Variants in SUPT3H observed in about 807,000 individuals in gnomAD.
SUPT3H encodes transcription initiation protein SPT3 homolog.
SUPT3H carries 44 observed loss-of-function variants against 44.3 expected under a neutral mutation model. The observed-to-expected ratio is 0.99, with a 90% CI of 0.78 to 1.28. SUPT3H has a LOEUF of 1.28. Among genes scored for constraint, SUPT3H ranks in the 50% most tolerant of loss-of-function variants. The pLI, the probability that SUPT3H is intolerant of heterozygous loss-of-function variation, is 0.00. For missense variants in SUPT3H, 380 were observed against 387.1 expected, an observed-to-expected ratio of 0.98 and a Z score of 0.15; for synonymous variants, 124 against 125.6, an observed-to-expected ratio of 0.99 and a Z score of 0.09.
intron 4 of SUPT3H, among the ~76,000 whole-genome samples, chr6:45,019,543 C>T (rs1469622413): frequency 6.6e-6 from 1 of 151,910 alleles, no homozygotes; most frequent in Non-Finnish European, 1.5e-5. Context: ...TCCTTTGTAG[C>T]TTGTTCTATG....
chr6:45,137,196 GAAAAGA>G (rs1292781521), intron 2 of SUPT3H, among the ~76,000 whole-genome samples: 1 of 151,962 alleles, frequency 6.6e-6, no homozygotes, highest in Non-Finnish European at 1.5e-5. Flanking sequence ...CAGATTAAAA[GAAAAGA>G]AAAAGCCTGA....
At chr6:45,332,068 C>G (rs1199032332) in intron 2 of SUPT3H, among the ~76,000 whole-genome samples, 1 of 151,916 alleles carries the variant, frequency 6.6e-6, no homozygotes, top group African/African-American at 2.4e-5. Flanking sequence ...ACTCACTGTA[C>G]TCCAATACTT....
chr6:45,161,624 T>G (rs777353456), intron 2 of SUPT3H, among the ~76,000 whole-genome samples: 3 of 152,170 alleles, frequency 2.0e-5, no homozygotes, highest in Non-Finnish European at 2.9e-5. Flanking sequence ...AAGGCATGAA[T>G]AGTGTCTTAT....
chr6:45,165,521 G>C (rs1809698649), intron 2 of SUPT3H, among the ~76,000 whole-genome samples: 1 of 152,034 alleles, frequency 6.6e-6, no homozygotes, highest in African/African-American at 2.4e-5. Flanking sequence ...AACAAATCTA[G>C]TATCAGAGAT....
chr6:45,045,834 T>G (rs995187484), intron 3 of SUPT3H, among the ~76,000 whole-genome samples: 1 of 152,230 alleles, frequency 6.6e-6, no homozygotes, highest in Non-Finnish European at 1.5e-5. Flanking sequence ...GTCAGATATA[T>G]GCATCACAAA....
chr6:45,105,917 C>T lies in SUPT3H; in HGVS notation c.186+5G>A. 1.2e-6 allele frequency: 2 copies of T among 1,610,264 alleles called. No individual in the cohort carries two copies. Among genetic ancestry groups the T allele is most frequent in the Non-Finnish European group, 1.7e-6 (2 of 1,177,048 alleles). ...GAAACCAAATCAAATTATATATGCT[C>T]TTACCAGATTAATTAACTGAGTGTG... is the stretch of plus-strand genomic sequence containing the variant. On this transcript the variant is annotated splice_donor_5th_base_variant and intron_variant, in intron 3 of 10. Coordinates refer to ENST00000371459, the MANE Select transcript of SUPT3H (RefSeq NM_003599.4).
chr6:45,030,485 C>A (rs1012455811), intron 3 of SUPT3H, among the ~76,000 whole-genome samples: 1 of 152,066 alleles, frequency 6.6e-6, no homozygotes, highest in Non-Finnish European at 1.5e-5. Flanking sequence ...ATGTAAGAGA[C>A]TGAATTTCTT....
intron 2 of SUPT3H, among the ~76,000 whole-genome samples, chr6:45,267,250 G>C (rs1438227389): frequency 6.6e-6 from 1 of 152,134 alleles, no homozygotes; most frequent in Non-Finnish European, 1.5e-5. Context: ...AACGGATTTA[G>C]AGAATACGCA....
At chr6:45,106,421 G>C (rs12191675) in intron 2 of SUPT3H, among the ~76,000 whole-genome samples, 1 of 152,102 alleles carries the variant, frequency 6.6e-6, no homozygotes, top group African/African-American at 2.4e-5. Context: ...AATGGAGTCA[G>C]ACCCTGTTTT....
intron 3 of SUPT3H, among the ~76,000 whole-genome samples, chr6:45,082,753 A>C (rs898630053): frequency 3.3e-5 from 5 of 152,172 alleles, no homozygotes; most frequent in African/African-American, 1.2e-4. Context: ...TACTCAACAT[A>C]GTACTGGAAG....
chr6:45,134,554 A>G (rs1410420141), intron 2 of SUPT3H, among the ~76,000 whole-genome samples: 1 of 152,204 alleles, frequency 6.6e-6, no homozygotes, highest in Non-Finnish European at 1.5e-5. Context: ...TCAAGGCATG[A>G]TACATACTGA....
chr6:45,150,381 T>C (rs984707239), intron 2 of SUPT3H, among the ~76,000 whole-genome samples: 1 of 152,124 alleles, frequency 6.6e-6, no homozygotes, highest in African/African-American at 2.4e-5. Context: ...AAAATGACCA[T>C]TGTTGGAAAT....
At chr6:45,124,722 A>G (rs1394702796) in intron 2 of SUPT3H, among the ~76,000 whole-genome samples, 1 of 152,054 alleles carries the variant, frequency 6.6e-6, no homozygotes, top group Non-Finnish European at 1.5e-5. Flanking sequence ...CATGTTTAAA[A>G]TAATAATAAA....
At chr6:44,893,636 G>C (rs1217135034) in intron 10 of SUPT3H, among the ~76,000 whole-genome samples, 7 of 151,760 alleles carry the variant, frequency 4.6e-5, no homozygotes, top group Middle Eastern at 3.4e-3. Context: ...GGACATTTGG[G>C]TTGGTTCCAA....
chr6:45,103,811 G>C (rs1798914473), intron 3 of SUPT3H, among the ~76,000 whole-genome samples: 1 of 151,978 alleles, frequency 6.6e-6, no homozygotes, highest in East Asian at 1.9e-4. Context: ...CAAAGCCAAA[G>C]ATAAGGAAAA....
At chr6:45,025,727 C>A (rs1172416975) in intron 3 of SUPT3H, among the ~76,000 whole-genome samples, 3 of 151,790 alleles carry the variant, frequency 2.0e-5, no homozygotes, top group Admixed American at 1.3e-4. Context: ...ACTAAAAATA[C>A]AAAAAATGAG....
intron 6 of SUPT3H, among the ~76,000 whole-genome samples, chr6:44,986,791 A>G (rs1242239243): frequency 6.6e-6 from 1 of 152,148 alleles, no homozygotes; most frequent in Non-Finnish European, 1.5e-5. Flanking sequence ...TGAACATAAT[A>G]GATGAAGCTC....
rs186585693 is a variant in SUPT3H, at chr6:44,858,806, G to A, written c.913-28949C>T. Among the ~76,000 whole-genome samples, 330 of 152,196 alleles carry A rather than the reference G, an allele frequency of 2.2e-3. 1 individual carries two copies. The highest frequency in any genetic ancestry group is 7.6e-3 in the African/African-American group (316 of 41,508). On this transcript the variant is annotated intron_variant, in intron 10 of 10. Transcript: ENST00000371459. ...AGAGCTTTGTTCCTATGGCTGTCTA[G>A]GACTTAATGATATTTTTGGGATATA...
Position 45,016,731 on chromosome 6 carries a change from T to G in SUPT3H, c.274-1840A>C, listed in dbSNP as rs187831884. Among the ~76,000 whole-genome samples the G allele has an allele frequency of 4.0e-3, 616 of 152,184 alleles. 3 individuals carry two copies. The highest frequency in any genetic ancestry group is 5.5e-3 in the Non-Finnish European group (377 of 68,004). ...GTGTATATGTGCCACATTTTCTTAA[T>G]CCAGTCTATCATTGTTGGACATTTG... is the stretch of plus-strand genomic sequence containing the variant. On this transcript the variant is annotated intron_variant, in intron 4 of 10. Coordinates refer to ENST00000371459, the MANE Select transcript of SUPT3H (RefSeq NM_003599.4).
Sources: allele counts gnomAD v4.1 joint callset (sites outside exome capture counted in the v4.1 genomes callset), GRCh38; gene constraint gnomAD v4.1.1; transcripts MANE v1.5; gene names NCBI Gene and HGNC (gene_info 2026-07-23, HGNC 2026-07-21).